CELF5: variants seen among roughly 807,000 people sequenced by gnomAD.
CELF5 encodes the protein CUGBP Elav-like family member 5.
Under a neutral mutation model 54.9 loss-of-function variants are expected in CELF5, and 6 were observed. The observed-to-expected ratio is 0.11, with a 90% CI of 0.06 to 0.22. CELF5 has a LOEUF of 0.22. Ranked by LOEUF, CELF5 falls within the 10% of genes least tolerant of loss-of-function variation. The pLI, the probability that CELF5 is intolerant of heterozygous loss-of-function variation, is 1.00. For missense variants in CELF5, 401 were observed against 678.6 expected (o/e 0.59, Z 4.54); for synonymous variants, 271 against 290.9 (o/e 0.93, Z 0.70).
chr19:3,249,578 C>T (rs1483257490), intron 1 of CELF5, among the ~76,000 whole-genome samples: 2 of 151,846 alleles, frequency 1.3e-5, no homozygotes, highest in African/African-American at 4.8e-5. Flanking sequence ...CCGCCCCTTG[C>T]CTCCCATCCC....
At chr19:3,238,165 G>A (rs2079443530) in intron 1 of CELF5, among the ~76,000 whole-genome samples, 3 of 152,124 alleles carry the variant, frequency 2.0e-5, no homozygotes, top group Non-Finnish European at 4.4e-5. Context: ...ACCCAGCCTG[G>A]CCAACATGGC....
chr19:3,270,379 C>T (rs1367871321), intron 2 of CELF5, among the ~76,000 whole-genome samples: 2 of 151,946 alleles, frequency 1.3e-5, no homozygotes, highest in African/African-American at 4.8e-5. Context: ...CGGCAGAGAC[C>T]TCGGTGGGAC....
intron 8 of CELF5, among the ~76,000 whole-genome samples, chr19:3,284,570 C>T (rs988291527): frequency 6.6e-6 from 1 of 152,004 alleles, no homozygotes; most frequent in African/African-American, 2.4e-5. Context: ...AGGCTGAAGT[C>T]CTGGTGAATC....
chr19:3,226,714 G>A (rs531547385), intron 1 of CELF5, among the ~76,000 whole-genome samples: 11 of 151,942 alleles, frequency 7.2e-5, no homozygotes, highest in East Asian at 3.9e-4. Flanking sequence ...GCTCTAGGTC[G>A]GAGAGACAGG....
At chr19:3,263,642 C>T (rs1231027571) in intron 2 of CELF5, among the ~76,000 whole-genome samples, 1 of 151,680 alleles carries the variant, frequency 6.6e-6, no homozygotes, top group African/African-American at 2.4e-5. Context: ...CGGTGGCTCA[C>T]GCCTGTAATC....
At chr19:3,265,298 G>C (rs976056861) in intron 2 of CELF5, among the ~76,000 whole-genome samples, 1 of 152,138 alleles carries the variant, frequency 6.6e-6, no homozygotes, top group African/African-American at 2.4e-5. Flanking sequence ...TTGATGCAAA[G>C]CAGACAAGGG....
At chr19:3,227,426 G>A (rs1308635631) in intron 1 of CELF5, among the ~76,000 whole-genome samples, 5 of 152,168 alleles carry the variant, frequency 3.3e-5, no homozygotes, top group South Asian at 2.1e-4. Flanking sequence ...GAGCCCTGGC[G>A]TGGTTTAGTG....
At chr19:3,254,375 C>T (rs900320554) in intron 2 of CELF5, among the ~76,000 whole-genome samples, 1 of 152,100 alleles carries the variant, frequency 6.6e-6, no homozygotes, top group Non-Finnish European at 1.5e-5. Context: ...TCCATCTACT[C>T]ATCCACCTAC....
intron 2 of CELF5, among the ~76,000 whole-genome samples, chr19:3,262,325 G>T (rs1275305466): frequency 6.6e-6 from 1 of 152,112 alleles, no homozygotes; most frequent in Non-Finnish European, 1.5e-5. Flanking sequence ...CACCGCGCCC[G>T]GCCAAGAAAC....
At chr19:3,288,655 C>T (rs1199570960) in intron 10 of CELF5, among the ~76,000 whole-genome samples, 1 of 152,112 alleles carries the variant, frequency 6.6e-6, no homozygotes, top group Middle Eastern at 3.2e-3. Context: ...CAAGACCAGC[C>T]TGGGCAACAT....
In CELF5 at chr19:3,272,105, C is replaced by T. The variant is rs140307346; in HGVS notation, c.343-1767C>T. On this transcript the variant is annotated intron_variant, in intron 2 of 12. Transcript: ENST00000292672. ...GCATTTGGCCGGGTGCAGGGGCTCA[C>T]GCCTGTAATCCCAGCAATTTGGGAG... is the stretch of plus-strand genomic sequence containing the variant. Among the ~76,000 whole-genome samples, 860 of 152,262 alleles carry T rather than the reference C, an allele frequency of 5.6e-3. 7 individuals carry two copies. Among genetic ancestry groups the T allele is most frequent in the African/African-American group, 0.02 (825 of 41,548 alleles).
rs137918580 is a variant in CELF5 at position 3,243,368 on chromosome 19, C to T, written c.260-7617C>T. Among the ~76,000 whole-genome samples the T allele has an allele frequency of 3.7e-3, 565 of 152,232 alleles. 7 individuals are homozygous for T. The highest frequency in any genetic ancestry group is 0.013 in the African/African-American group (544 of 41,546). ...CAATCATGCCTCACTGCAGCATCGA[C>T]GGCCCAGGCTCAAGCGATTCTCCTG... On this transcript the variant is annotated intron_variant, in intron 1 of 12. Coordinates refer to ENST00000292672, the MANE Select transcript of CELF5 (RefSeq NM_021938.4).
rs187608407 is a variant in CELF5, at chr19:3,237,268, C to T, written c.259+12270C>T. On this transcript the variant is annotated intron_variant, in intron 1 of 12. Transcript: ENST00000292672. ...TGGAGCTTGCAGTGAGCCGAGATCACGCCACTGCACTCCAGCCTGAGTGAC... is the reference window on the plus strand; with the variant it reads ...TGGAGCTTGCAGTGAGCCGAGATCATGCCACTGCACTCCAGCCTGAGTGAC... Among the ~76,000 whole-genome samples the T allele has an allele frequency of 7.1e-3, 1,005 of 142,204 alleles. 14 individuals are homozygous for T. The highest frequency in any genetic ancestry group is 9.3e-3 in the Non-Finnish European group (618 of 66,534). The allele number at this position is 142,204 out of a possible 152,430, so 93.3% of individuals were successfully genotyped here. A position where few individuals can be genotyped will look rare whatever the true frequency, so the allele number is the denominator to read the frequency against.
chr19:3,285,944 A>G lies in CELF5; in HGVS notation c.1105A>G (p.Met369Val), dbSNP rs773264011. 3.8e-6 allele frequency: 6 copies of G among 1,573,308 alleles called. No individual in the cohort carries two copies. The highest frequency in any genetic ancestry group is 1.8e-5 in the Admixed American group (1 of 56,380). Residue 369 changes from methionine to valine, a missense_variant and splice_region_variant, in exon 10 of 13, where the codon ATG becomes GTG. By Grantham distance (21) the Met-to-Val change is conservative (BLOSUM62 1). This residue lies in a region of CELF5 where 143 missense variants were observed against 147.6 expected (regional missense o/e 0.97). Coordinates refer to ENST00000292672, the MANE Select transcript of CELF5 (RefSeq NM_021938.4). ...AFSGVQQYTA[M>V]YPTAAITPIA... ...GTGTCTCGCTCCGGTCTCCGCAGCC[A>G]TGTACCCCACCGCGGCCATCACGCC...
At chr19:3,283,125 G>A (rs1031017154) in intron 8 of CELF5, among the ~76,000 whole-genome samples, 1 of 152,148 alleles carries the variant, frequency 6.6e-6, no homozygotes, top group African/African-American at 2.4e-5. Flanking sequence ...GTCATTTGGG[G>A]AGATATCAAT....
chr19:3,288,253 G>A (rs1482797015), intron 10 of CELF5, among the ~76,000 whole-genome samples: 3 of 152,228 alleles, frequency 2.0e-5, no homozygotes, highest in South Asian at 4.1e-4. Context: ...TGGGTGCAGT[G>A]GCTGACACCT....
Position 3,282,140 on chromosome 19 carries a change from G to A in CELF5, c.765G>A (p.Gln255=), listed in dbSNP as rs556178058. The change falls in exon 7 of 13, where the codon CAG becomes CAA. Residue 255 remains glutamine (Q), a synonymous_variant. Transcript: ENST00000292672. The surrounding 1 kb of genome is among the most constrained non-coding windows in gnomAD (Gnocchi z 5.2). ...SAYAQALMQQ[Q]TTVLSTSGSY... ...TTCACCCCCAGCTCATGCAACAGCA[G>A]ACAACAGTCCTGTCCACCTCGGGCA... 11 of 1,614,218 alleles carry A rather than the reference G, an allele frequency of 6.8e-6. No individual in the cohort carries two copies. The South Asian group carries it at 1.2e-4, about 18-fold the overall frequency.
chr19:3,225,465 C>CG, intron 1 of CELF5: 3 of 365,446 alleles, frequency 8.2e-6, no homozygotes, highest in Non-Finnish European at 1.1e-5. Flanking sequence ...GCACCCCTCC[C>CG]TGCCCCCCCA....
At chr19:3,284,166 A>G (rs1470720814) in intron 8 of CELF5, among the ~76,000 whole-genome samples, 1 of 151,770 alleles carries the variant, frequency 6.6e-6, no homozygotes, top group Non-Finnish European at 1.5e-5. Flanking sequence ...GAGTTTTTGT[A>G]TGCACTCTGT....
Sources: allele counts gnomAD v4.1 joint callset (sites outside exome capture counted in the v4.1 genomes callset), GRCh38; gene constraint gnomAD v4.1.1; regional missense constraint gnomAD v4.1.1; non-coding constraint Gnocchi (gnomAD v3.1); transcripts MANE v1.5; gene names NCBI Gene and HGNC (gene_info 2026-07-23, HGNC 2026-07-21).